GLYR1: variants seen among roughly 807,000 people sequenced by gnomAD.
The protein encoded by GLYR1 is cytokine-like nuclear factor N-PAC.
In GLYR1, 21 loss-of-function variants were observed where a neutral mutation model predicts 72.7. The observed-to-expected ratio is 0.29, with a 90% CI of 0.20 to 0.42. The LOEUF (loss-of-function observed/expected upper bound fraction) is 0.42, where lower values mean the gene tolerates loss of function less well. Ranked by LOEUF, GLYR1 falls within the 10% of genes least tolerant of loss-of-function variation. GLYR1 has a pLI of 1.00. For missense variants in GLYR1, 594 were observed against 712.1 expected (o/e 0.83, Z 1.89); for synonymous variants, 392 against 270.2 (o/e 1.45, Z -4.42).
intron 15 of GLYR1, among the ~76,000 whole-genome samples, chr16:4,809,318 T>G (rs2083190824): frequency 6.6e-6 from 1 of 150,864 alleles, no homozygotes. Flanking sequence ...GCCTCCTGAG[T>G]AGCTGAGATT....
intron 5 of GLYR1, 98 bp downstream of exon 5, chr16:4,831,881 T>C: frequency 1.3e-6 from 2 of 1,488,506 alleles, no homozygotes; most frequent in East Asian, 2.3e-5. Flanking sequence ...ATGAGCAGAG[T>C]ATAGATAAGC....
At chr16:4,834,525 C>T (rs781701834) in intron 3 of GLYR1, among the ~76,000 whole-genome samples, 13 of 151,364 alleles carry the variant, frequency 8.6e-5, no homozygotes, top group Non-Finnish European at 1.6e-4. Flanking sequence ...TGCAGTGGCA[C>T]GATCTTAGCT....
At chr16:4,822,292 G>C (rs2084084410) in intron 7 of GLYR1, among the ~76,000 whole-genome samples, 1 of 151,834 alleles carries the variant, frequency 6.6e-6, no homozygotes, top group Admixed American at 6.6e-5. Context: ...TCACCATGTT[G>C]GCCAGGCTGG....
At chr16:4,827,908 C>CAAACCAAA (rs572634967) in intron 5 of GLYR1, among the ~76,000 whole-genome samples, 2 of 151,800 alleles carry the variant, frequency 1.3e-5, no homozygotes, top group African/African-American at 2.4e-5. Context: ...TCAAAAAAAA[C>CAAACCAAA]AAACCAAAAA....
Position 4,811,850 on chromosome 16 carries a change from A to AGGG in GLYR1, c.1283-51_1283-49dup, listed in dbSNP as rs1178670054. On this transcript the variant is annotated intron_variant, in intron 13 of 15. Transcript: ENST00000321919. ...GTCACAGCCCAAGAATGCCACAGACAGGGCTTCTCTGTCCACCCTCACCTC... is the reference window on the plus strand; with the variant it reads ...GTCACAGCCCAAGAATGCCACAGACAGGGGGGCTTCTCTGTCCACCCTCACCTC... The AGGG allele has an allele frequency of 1.9e-6, 3 of 1,575,526 alleles. No homozygotes were observed. In the Admixed American group the frequency reaches 5.3e-5, roughly 28 times the overall value.
At chr16:4,806,927 C>T (rs985336822) in intron 15 of GLYR1, among the ~76,000 whole-genome samples, 26 of 151,120 alleles carry the variant, frequency 1.7e-4, no homozygotes, top group Non-Finnish European at 4.4e-5. Context: ...CTGCTTCAGC[C>T]TCCCGAGTAG....
chr16:4,830,171 C>A (rs944289651), intron 5 of GLYR1, among the ~76,000 whole-genome samples: 1 of 151,686 alleles, frequency 6.6e-6, no homozygotes, highest in African/African-American at 2.4e-5. Flanking sequence ...CCTCAGCCTC[C>A]GAAAATGCTG....
rs553475512 is a variant in GLYR1 at position 4,811,551 on chromosome 16, A to T, written c.1462+72T>A. 9.6e-6 allele frequency: 15 copies of T among 1,569,300 alleles called. No homozygotes were observed. The South Asian group carries it at 1.6e-4, about 16-fold the overall frequency. ...CTGGGGAGGGGCATCTTTCACGCTC[A>T]CTAAATCCCTGACCTAGTACCCTGC... On this transcript the variant is annotated intron_variant, in intron 14 of 15. Coordinates refer to ENST00000321919, the MANE Select transcript of GLYR1 (RefSeq NM_032569.4).
chr16:4,843,665 G>A (rs1227807093), intron 3 of GLYR1: 6 of 1,278,188 alleles, frequency 4.7e-6, no homozygotes, highest in Non-Finnish European at 6.1e-6. Flanking sequence ...GAAGAATACT[G>A]TTTATAATAT....
intron 5 of GLYR1, among the ~76,000 whole-genome samples, chr16:4,830,749 C>T (rs1289673526): frequency 6.6e-6 from 1 of 152,166 alleles, no homozygotes; most frequent in Non-Finnish European, 1.5e-5. Flanking sequence ...TAAGACCGGC[C>T]CCAAATCTTG....
At position 4,823,927 on chromosome 16, in the gene GLYR1, G is replaced by C; in HGVS notation, c.538-20C>G. 1.9e-6 allele frequency: 3 copies of C among 1,600,034 alleles called. No individual in the cohort carries two copies. The highest frequency in any genetic ancestry group is 1.1e-5 in the South Asian group (1 of 90,720). On this transcript the variant is annotated intron_variant, in intron 5 of 15. Coordinates refer to ENST00000321919, the MANE Select transcript of GLYR1 (RefSeq NM_032569.4). ...GAGATCCTATAGAGGGAGGGGCAGG[G>C]CATTTTAAAATCACATTCAAACCCC...
chr16:4,803,220 TTTTA>T lies in GLYR1; in HGVS notation c.*2012_*2015del, dbSNP rs1357778702. 6.6e-6 allele frequency: 1 copy of T among 152,652 alleles called. No individual in the cohort carries two copies. The highest frequency in any genetic ancestry group is 1.5e-5 in the Non-Finnish European group (1 of 68,040). The allele number at this position is 152,652 out of a possible 1,614,324, so 9.5% of individuals were successfully genotyped here. A position where few individuals can be genotyped will look rare whatever the true frequency, so the allele number is the denominator to read the frequency against. On this transcript the variant is annotated 3_prime_UTR_variant, in exon 16 of 16. Transcript: ENST00000321919. ...GGCACAGCTGTGTTACCAAGAAGTG[TTTTA>T]TTTTTCTTGCAGTAGCTTTGTTAAT...
chr16:4,846,244 G>A (rs2086044686), intron 1 of GLYR1, 34 bp from the exon 2 acceptor site: 1 of 1,611,572 alleles, frequency 6.2e-7, no homozygotes. Context: ...CACTTGCCCT[G>A]CAAAAGCCAG....
intron 3 of GLYR1, chr16:4,843,580 T>TA (rs2085719768): frequency 1.6e-6 from 2 of 1,288,982 alleles, no homozygotes; most frequent in African/African-American, 1.5e-5. Context: ...TGGCTTGTGA[T>TA]AGAGAAATGG....
intron 2 of GLYR1, among the ~76,000 whole-genome samples, chr16:4,845,660 C>T (rs538990707): frequency 7.8e-4 from 118 of 152,224 alleles, no homozygotes; most frequent in Non-Finnish European, 9.3e-4. Flanking sequence ...AAAGACACCT[C>T]CCGGGCTCCA....
chr16:4,819,659 C>A (rs2083889412), intron 9 of GLYR1, among the ~76,000 whole-genome samples: 1 of 152,172 alleles, frequency 6.6e-6, no homozygotes, highest in Admixed American at 6.5e-5. Context: ...CCCGGCAGCT[C>A]CTCCACTTTG....
At chr16:4,826,996 C>A (rs891159108) in intron 5 of GLYR1, among the ~76,000 whole-genome samples, 1 of 152,220 alleles carries the variant, frequency 6.6e-6, no homozygotes, top group African/African-American at 2.4e-5. Context: ...ACAGAACTAA[C>A]AGCGCTACTT....
Position 4,817,458 on chromosome 16 carries a change from C to A in GLYR1, c.906+140G>T, listed in dbSNP as rs1487931052. The A allele has an allele frequency of 6.5e-6, 4 of 614,362 alleles. No homozygotes were observed. In the African/African-American group the frequency reaches 7.3e-5, roughly 11 times the overall value. The allele number at this position is 614,362 out of a possible 1,614,324, so 38.1% of individuals were successfully genotyped here. A position where few individuals can be genotyped will look rare whatever the true frequency, so the allele number is the denominator to read the frequency against. ...ATAATAACATCCTAAGTTTAGGCAT[C>A]TACATCTCTACCTGCCTGGACTAAA... On this transcript the variant is annotated intron_variant, in intron 10 of 15. Transcript: ENST00000321919.
intron 1 of GLYR1, chr16:4,846,611 C>T (rs1261023523): frequency 3.9e-6 from 1 of 258,966 alleles, no homozygotes; most frequent in African/African-American, 2.2e-5. Context: ...AGCTACGCAG[C>T]TCGAGGGAGG....
Sources: gnomAD v4.1 joint callset for allele counts (sites outside exome capture counted in the v4.1 genomes callset) on GRCh38, gnomAD v4.1.1 for gene constraint, MANE v1.5 for transcripts, NCBI Gene and HGNC (gene_info 2026-07-23, HGNC 2026-07-21) for gene names.